The following PAM variants were observed in gnomAD, a reference collection of about 807,000 sequenced individuals.
The protein encoded by PAM is peptidylglycine alpha-amidating monooxygenase, also known as peptidyl-glycine alpha-amidating monooxygenase.
In PAM, 72 loss-of-function variants were observed where a neutral mutation model predicts 122.1. The observed-to-expected ratio is 0.59, with a 90% CI of 0.49 to 0.72. The LOEUF (loss-of-function observed/expected upper bound fraction) is 0.72, where lower values mean the gene tolerates loss of function less well. Ranked by LOEUF, PAM falls within the 30% of genes least tolerant of loss-of-function variation. The probability of loss-of-function intolerance (pLI) is 0.00; values close to 1 mark genes in which losing one functional copy is unlikely to be tolerated. For missense variants in PAM, 1,106 were observed against 1,183.7 expected, an observed-to-expected ratio of 0.93 and a Z score of 0.96; for synonymous variants, 389 against 404.4, an observed-to-expected ratio of 0.96 and a Z score of 0.46.
intron 15 of PAM, among the ~76,000 whole-genome samples, chr5:102,977,804 G>A (rs1002181529): frequency 2.6e-5 from 4 of 152,014 alleles, no homozygotes; most frequent in African/African-American, 4.8e-5. Flanking sequence ...CCAGGTACCC[G>A]ACTGCCTGGT....
intron 21 of PAM, among the ~76,000 whole-genome samples, chr5:103,010,658 C>G (rs1167173625): frequency 6.6e-6 from 1 of 152,194 alleles, no homozygotes. Context: ...CAACTATCAT[C>G]AGCTACTGAA....
chr5:102,940,516 A>ATC (rs1459021071), intron 7 of PAM, among the ~76,000 whole-genome samples: 1 of 149,486 alleles, frequency 6.7e-6, no homozygotes, highest in Non-Finnish European at 1.5e-5. Flanking sequence ...ATATATATAT[A>ATC]TCAGAGGTAA....
intron 3 of PAM, among the ~76,000 whole-genome samples, chr5:102,892,543 C>T (rs1333221344): frequency 1.3e-5 from 2 of 151,746 alleles, no homozygotes; most frequent in Non-Finnish European, 1.5e-5. Context: ...TGATATGTCC[C>T]GATGACTGTA....
chr5:102,779,784 C>T (rs1758120383), intron 1 of PAM, among the ~76,000 whole-genome samples: 1 of 145,500 alleles, frequency 6.9e-6, no homozygotes, highest in Non-Finnish European at 1.5e-5. Context: ...CCAAGTTCTT[C>T]AGTTTTGAGA....
chr5:102,817,261 T>G (rs1295747695), intron 1 of PAM, among the ~76,000 whole-genome samples: 1 of 152,146 alleles, frequency 6.6e-6, no homozygotes, highest in African/African-American at 2.4e-5. Flanking sequence ...TGACTTACTA[T>G]TATAATTAAA....
intron 1 of PAM, among the ~76,000 whole-genome samples, chr5:102,832,188 A>G (rs1775672579): frequency 6.6e-6 from 1 of 152,146 alleles, no homozygotes; most frequent in African/African-American, 2.4e-5. Flanking sequence ...TTATTTGGGG[A>G]CGCACAGTGA....
At chr5:102,851,949 G>A (rs1320972946) in intron 1 of PAM, among the ~76,000 whole-genome samples, 3 of 152,024 alleles carry the variant, frequency 2.0e-5, no homozygotes, top group South Asian at 2.1e-4. Flanking sequence ...CTATTTAACC[G>A]TAGATGAAGG....
intron 5 of PAM, 50 bp from the exon 6 acceptor site, chr5:102,924,907 T>A: frequency 1.0e-6 from 1 of 964,074 alleles, no homozygotes; most frequent in Non-Finnish European, 1.7e-6. Flanking sequence ...GAGCAATTTA[T>A]GCATTTCACT....
intron 24 of PAM, 124 bp downstream of exon 24, chr5:103,025,458 A>G: frequency 1.4e-6 from 1 of 712,008 alleles, no homozygotes; most frequent in African/African-American, 1.8e-5. Context: ...AATGCTCTCT[A>G]CCATTTTTGA....
chr5:103,024,732 A>AAGTT (rs1406170463), intron 23 of PAM, among the ~76,000 whole-genome samples: 5 of 152,168 alleles, frequency 3.3e-5, no homozygotes, highest in African/African-American at 1.2e-4. Flanking sequence ...AACTTGCCCA[A>AAGTT]AGTTATACGG....
At chr5:102,768,628 A>G (rs1337007684) in intron 1 of PAM, among the ~76,000 whole-genome samples, 1 of 152,168 alleles carries the variant, frequency 6.6e-6, no homozygotes, top group Non-Finnish European at 1.5e-5. Flanking sequence ...ACTGAACATA[A>G]TGACCTACAA....
chr5:102,826,289 A>T (rs956105489), intron 1 of PAM, among the ~76,000 whole-genome samples: 3 of 152,204 alleles, frequency 2.0e-5, no homozygotes, highest in Non-Finnish European at 4.4e-5. Context: ...GTGGAATGAG[A>T]CATTTTCTCC....
intron 4 of PAM, among the ~76,000 whole-genome samples, chr5:102,912,553 T>C (rs762311882): frequency 3.3e-5 from 5 of 151,936 alleles, no homozygotes; most frequent in Admixed American, 6.6e-5. Flanking sequence ...GGTCTATAGA[T>C]ATAGAATCCT....
Position 102,924,950 on chromosome 5 carries a change from T to C in PAM, c.357-7T>C. On this transcript the variant is annotated splice_region_variant and splice_polypyrimidine_tract_variant and intron_variant, in intron 5 of 25. Transcript: ENST00000438793. ...TCTTCATTTATACTACTTTTTATTT[T>C]CTTCAGGTTTTGTGATGAAGGAACC... The C allele has an allele frequency of 7.1e-7, 1 of 1,409,706 alleles. No individual in the cohort carries two copies. Among genetic ancestry groups the C allele is most frequent in the Non-Finnish European group, 1.0e-6 (1 of 993,580 alleles). The allele number at this position is 1,409,706 out of a possible 1,614,324, so 87.3% of individuals were successfully genotyped here.
chr5:103,024,999 A>G (rs1784547497), intron 23 of PAM, 132 bp from the exon 24 acceptor site: 1 of 624,244 alleles, frequency 1.6e-6, no homozygotes, highest in African/African-American at 1.8e-5. Flanking sequence ...AGGTATTAAA[A>G]CATGAAACCC....
At chr5:102,803,272 C>G (rs992606613) in intron 1 of PAM, among the ~76,000 whole-genome samples, 1 of 151,886 alleles carries the variant, frequency 6.6e-6, no homozygotes, top group Admixed American at 6.6e-5. Context: ...CCAAAGCAGT[C>G]AGACGAGGTA....
intron 16 of PAM, among the ~76,000 whole-genome samples, chr5:103,002,240 G>T (rs1777615048): frequency 6.6e-6 from 1 of 151,856 alleles, no homozygotes; most frequent in African/African-American, 2.4e-5. Context: ...GTGAATTTAA[G>T]AAATTATATT....
chr5:102,778,174 A>G (rs768808931), intron 1 of PAM, among the ~76,000 whole-genome samples: 1 of 152,028 alleles, frequency 6.6e-6, no homozygotes, highest in Non-Finnish European at 1.5e-5. Context: ...ACCTCCCCAC[A>G]TGTATTTTTT....
chr5:102,937,203 T>A (rs1361042632), intron 7 of PAM, among the ~76,000 whole-genome samples: 1 of 152,166 alleles, frequency 6.6e-6, no homozygotes, highest in East Asian at 1.9e-4. Context: ...CCCCTCCCCA[T>A]ATACAGGTGC....
Sources: gnomAD v4.1 joint callset for allele counts (sites outside exome capture counted in the v4.1 genomes callset) on GRCh38, gnomAD v4.1.1 for gene constraint, MANE v1.5 for transcripts, NCBI Gene and HGNC (gene_info 2026-07-23, HGNC 2026-07-21) for gene names.